The following GRM8 variants were observed in gnomAD, a reference collection of about 807,000 sequenced individuals.
GRM8 encodes the protein metabotropic glutamate receptor 8.
In GRM8, 47 loss-of-function variants were observed where a neutral mutation model predicts 87.2. The ratio of observed to expected loss-of-function variants is 0.54; its 90% CI spans 0.43 to 0.69. The LOEUF (loss-of-function observed/expected upper bound fraction) is 0.69. Ranked by LOEUF, GRM8 falls within the 30% of genes least tolerant of loss-of-function variation. GRM8 has a pLI of 0.00. For missense variants in GRM8, 1,019 were observed against 1,139.2 expected, an observed-to-expected ratio of 0.89 and a Z score of 1.52; for synonymous variants, 396 against 404.5, an observed-to-expected ratio of 0.98 and a Z score of 0.25.
intron 6 of GRM8, among the ~76,000 whole-genome samples, chr7:126,785,897 T>C (rs943782752): frequency 6.6e-6 from 1 of 152,144 alleles, no homozygotes; most frequent in Non-Finnish European, 1.5e-5. Context: ...CTGTTACTTT[T>C]AGCTGGACAC....
At chr7:126,768,712 C>A (rs1818477473) in intron 7 of GRM8, among the ~76,000 whole-genome samples, 1 of 151,896 alleles carries the variant, frequency 6.6e-6, no homozygotes, top group Admixed American at 6.6e-5. Flanking sequence ...GGAAGTGTTC[C>A]CCAACCTCAG....
intron 6 of GRM8, among the ~76,000 whole-genome samples, chr7:126,863,750 G>A (rs544415527): frequency 5.9e-5 from 9 of 152,156 alleles, no homozygotes; most frequent in African/African-American, 1.9e-4. Flanking sequence ...GAGGTAAGGT[G>A]TTAACATCTC....
intron 3 of GRM8, among the ~76,000 whole-genome samples, chr7:126,967,248 C>G (rs139736766): frequency 6.6e-6 from 1 of 152,140 alleles, no homozygotes; most frequent in East Asian, 1.9e-4. Context: ...ATGGTTAGAC[C>G]AGGAAAGATT....
chr7:126,790,715 C>A (rs1412440471), intron 6 of GRM8, among the ~76,000 whole-genome samples: 1 of 152,086 alleles, frequency 6.6e-6, no homozygotes, highest in Non-Finnish European at 1.5e-5. Flanking sequence ...GGAGCCAGGG[C>A]TGCACTTATG....
chr7:127,015,053 AAGAAGAAGAAGAAGAAAGAAAGAAGGAG>A (rs1172426009), intron 3 of GRM8, among the ~76,000 whole-genome samples: 59 of 124,830 alleles, frequency 4.7e-4, no homozygotes, highest in Non-Finnish European at 6.7e-4. Flanking sequence ...GAAGAAGAAG[AAGAAGAAGAAGAAGAAAGAAAGAAGGAG>A]AAGAAGGAGA....
At chr7:126,888,223 C>T (rs1800681934) in intron 6 of GRM8, among the ~76,000 whole-genome samples, 1 of 152,108 alleles carries the variant, frequency 6.6e-6, no homozygotes. Context: ...CCTGCCAGTA[C>T]TTTTCACTTC....
chr7:127,079,390 G>A (rs569190784), intron 3 of GRM8, among the ~76,000 whole-genome samples: 1 of 152,296 alleles, frequency 6.6e-6, no homozygotes, highest in South Asian at 2.1e-4. Context: ...CCAAAGTGCT[G>A]GGATTACAGG....
At chr7:126,897,007 T>A (rs1801607323) in intron 6 of GRM8, among the ~76,000 whole-genome samples, 1 of 152,130 alleles carries the variant, frequency 6.6e-6, no homozygotes, top group African/African-American at 2.4e-5. Context: ...TCAAAATGTA[T>A]AAACAACTAA....
chr7:127,230,794 G>C (rs896904602), intron 2 of GRM8, among the ~76,000 whole-genome samples: 11 of 152,200 alleles, frequency 7.2e-5, no homozygotes, highest in African/African-American at 2.6e-4. Context: ...CCTGATCTCA[G>C]AATTCCAGCT....
At chr7:126,903,843 G>A in intron 5 of GRM8, 129 bp downstream of exon 5, 2 of 454,300 alleles carry the variant, frequency 4.4e-6, no homozygotes, top group Non-Finnish European at 7.8e-6. Context: ...TGACAATTCT[G>A]CCACCAAAGC....
In GRM8 at chr7:127,252,858, GC is replaced by G. The variant is rs1384795927; in HGVS notation, c.-374del. 3 of 189,948 alleles carry G rather than the reference GC, an allele frequency of 1.6e-5. No individual in the cohort carries two copies. Among genetic ancestry groups the G allele is most frequent in the African/African-American group, 2.4e-5 (1 of 41,656 alleles). 11.8% of individuals were successfully genotyped at this position (189,948 alleles called of 1,614,324 possible). ...CGGGGGCCCGCAGCTCCATGTCAGC[GC>G]CGCCGCCGCCGCCGCCGCCGCCGCG... is the stretch of plus-strand genomic sequence containing the variant. On this transcript the variant is annotated 5_prime_UTR_variant, in exon 1 of 11. Transcript: ENST00000339582. This position sits in a 1 kb window ranked among gnomAD's most constrained non-coding sequence, Gnocchi z 4.9.
At position 126,685,334 on chromosome 7, in the gene GRM8, G is replaced by A. The variant is rs1808053248; in HGVS notation, c.1358-75836C>T. Among the ~76,000 whole-genome samples, 1 of 152,148 alleles carries A rather than the reference G, an allele frequency of 6.6e-6. No individual in the cohort carries two copies. Among genetic ancestry groups the A allele is most frequent in the Non-Finnish European group, 1.5e-5 (1 of 67,998 alleles). On this transcript the variant is annotated intron_variant, in intron 7 of 10. Coordinates refer to ENST00000339582, the MANE Select transcript of GRM8 (RefSeq NM_000845.3). The surrounding 1 kb of genome is among the most constrained non-coding windows in gnomAD (Gnocchi z 4.2). ...GGGGACTCGAGGCGGAGCCGGGCCT[G>A]GGGTGGTACCATGCTTCAGGGAGCC...
intron 3 of GRM8, among the ~76,000 whole-genome samples, chr7:126,963,283 TTC>T (rs1287353215): frequency 6.6e-6 from 1 of 152,242 alleles, no homozygotes; most frequent in Non-Finnish European, 1.5e-5. Context: ...ATCAGTTTAT[TTC>T]TGTTTCCATA....
At chr7:126,531,878 A>G (rs184542072) in intron 9 of GRM8, among the ~76,000 whole-genome samples, 1 of 152,204 alleles carries the variant, frequency 6.6e-6, no homozygotes, top group African/African-American at 2.4e-5. Context: ...GGAATGTTAT[A>G]GCCTGGGAAA....
intron 9 of GRM8, among the ~76,000 whole-genome samples, chr7:126,462,209 G>T (rs1803965202): frequency 6.6e-6 from 1 of 150,848 alleles, no homozygotes; most frequent in Non-Finnish European, 1.5e-5. Flanking sequence ...GAAAATATAG[G>T]TATTAAATAG....
chr7:126,890,523 T>C (rs941254588), intron 6 of GRM8, among the ~76,000 whole-genome samples: 4 of 152,076 alleles, frequency 2.6e-5, no homozygotes, highest in Non-Finnish European at 5.9e-5. Context: ...GTCAATATTA[T>C]TCTTCCAGGT....
chr7:126,800,565 G>A (rs1205201621), intron 6 of GRM8, among the ~76,000 whole-genome samples: 1 of 152,128 alleles, frequency 6.6e-6, no homozygotes, highest in East Asian at 1.9e-4. Flanking sequence ...CTCTGAGCTT[G>A]CAGCTCACAT....
At chr7:127,120,482 G>T (rs1827017875) in intron 2 of GRM8, among the ~76,000 whole-genome samples, 1 of 152,170 alleles carries the variant, frequency 6.6e-6, no homozygotes, top group Admixed American at 6.6e-5. Context: ...TCTTAGAAAT[G>T]TAGAATTTCA....
chr7:126,847,471 T>C lies in GRM8; in HGVS notation c.1156+55071A>G, dbSNP rs1274838798. The stretch of plus-strand genomic sequence containing the variant: ...CAATCTGGGTAGGATGTAAAGTAGA[T>C]AGATCATCCCTGTTCCACTCAGCAT... On this transcript the variant is annotated intron_variant, in intron 6 of 10. Transcript: ENST00000339582. Among the ~76,000 whole-genome samples, 14 of 152,268 alleles carry C rather than the reference T, an allele frequency of 9.2e-5. No homozygotes were observed. In the East Asian group the frequency reaches 2.3e-3, roughly 25 times the overall value.
Sources: allele counts gnomAD v4.1 joint callset (sites outside exome capture counted in the v4.1 genomes callset), GRCh38; gene constraint gnomAD v4.1.1; non-coding constraint Gnocchi (gnomAD v3.1); transcripts MANE v1.5; gene names NCBI Gene and HGNC (gene_info 2026-07-23, HGNC 2026-07-21).